Variants in RBFOX1 observed in about 807,000 individuals in gnomAD.
RBFOX1 encodes the protein RNA binding fox-1 homolog 1.
In RBFOX1, 8 loss-of-function variants were observed where a neutral mutation model predicts 57.7. The ratio of observed to expected loss-of-function variants is 0.14; its 90% CI spans 0.08 to 0.25. The LOEUF is 0.25. RBFOX1 is among the 10% of genes least tolerant of loss of function. The pLI is 1.00. For missense variants in RBFOX1, 611 were observed against 548.5 expected, an observed-to-expected ratio of 1.11 and a Z score of -1.14; for synonymous variants, 326 against 222.4, an observed-to-expected ratio of 1.47 and a Z score of -4.15.
At chr16:6,556,433 C>T (rs1190875883) in intron 2 of RBFOX1, among the ~76,000 whole-genome samples, 2 of 152,138 alleles carry the variant, frequency 1.3e-5, no homozygotes, top group African/African-American at 2.4e-5. Context: ...GCACTGTCCT[C>T]GGTCATCTCA....
At chr16:5,805,242 A>T (rs1433184525) in intron 3 of RBFOX1, among the ~76,000 whole-genome samples, 7 of 152,164 alleles carry the variant, frequency 4.6e-5, no homozygotes, top group Non-Finnish European at 8.8e-5. Flanking sequence ...TTAAAATATG[A>T]GGTTAGAGAG....
At chr16:6,546,375 T>A (rs1455036619) in intron 2 of RBFOX1, among the ~76,000 whole-genome samples, 1 of 152,180 alleles carries the variant, frequency 6.6e-6, no homozygotes, top group African/African-American at 2.4e-5. Context: ...ATGACAGACA[T>A]TTATTGCCTC....
At chr16:7,184,384 G>A (rs1406706511) in intron 4 of RBFOX1, among the ~76,000 whole-genome samples, 1 of 152,230 alleles carries the variant, frequency 6.6e-6, no homozygotes, top group Non-Finnish European at 1.5e-5. Context: ...AGAGGTTTTA[G>A]TAGAAGTCTA....
intron 2 of RBFOX1, among the ~76,000 whole-genome samples, chr16:6,592,897 G>T (rs1228459264): frequency 9.9e-5 from 15 of 152,192 alleles, no homozygotes; most frequent in Admixed American, 9.8e-4. Flanking sequence ...TATGCAGAGA[G>T]AGTGGAGATC....
chr16:7,028,342 C>T (rs1360845792), intron 3 of RBFOX1, among the ~76,000 whole-genome samples: 2 of 152,144 alleles, frequency 1.3e-5, no homozygotes, highest in South Asian at 4.2e-4. Flanking sequence ...TGCCTGGGCT[C>T]AGGGCTGGAG....
At chr16:7,238,663 G>T (rs965969122) in intron 4 of RBFOX1, among the ~76,000 whole-genome samples, 1 of 152,114 alleles carries the variant, frequency 6.6e-6, no homozygotes, top group African/African-American at 2.4e-5. Flanking sequence ...TTTATCTTCA[G>T]GGGTACAAGT....
Position 5,371,697 on chromosome 16 carries a change from G to T in RBFOX1, c.220-95519G>T, listed in dbSNP as rs1178702262. Reference sequence around the variant, plus strand: ...TTTCCCACATTTTGAGGGAATGAAGGCTTGGTAATAAGCCCTGCTGGCCAT... The same window carrying T: ...TTTCCCACATTTTGAGGGAATGAAGTCTTGGTAATAAGCCCTGCTGGCCAT... On this transcript the variant is annotated intron_variant, in intron 1 of 2. Coordinates refer to the RBFOX1 transcript ENST00000585867. Among the ~76,000 whole-genome samples, 3 of 152,312 alleles carry T rather than the reference G, an allele frequency of 2.0e-5. No individual in the cohort carries two copies. In the South Asian group the frequency reaches 6.2e-4, roughly 32 times the overall value.
intron 3 of RBFOX1, among the ~76,000 whole-genome samples, chr16:5,749,010 G>A (rs546726710): frequency 9.9e-5 from 15 of 152,246 alleles, no homozygotes; most frequent in South Asian, 2.1e-4. Flanking sequence ...GGCTGGTATC[G>A]GTTGTTCTTT....
At chr16:7,473,479 A>G (rs1015145772) in intron 4 of RBFOX1, among the ~76,000 whole-genome samples, 1 of 148,130 alleles carries the variant, frequency 6.8e-6, no homozygotes, top group Non-Finnish European at 1.5e-5. Context: ...TACATAATAT[A>G]TATGTATATA....
intron 1 of RBFOX1, among the ~76,000 whole-genome samples, chr16:5,459,124 T>G (rs1260042635): frequency 6.6e-6 from 1 of 152,234 alleles, no homozygotes; most frequent in Non-Finnish European, 1.5e-5. Context: ...GAGTCTCTGG[T>G]GAACCTCCCC....
intron 2 of RBFOX1, among the ~76,000 whole-genome samples, chr16:6,519,132 C>G (rs779370616): frequency 2.0e-5 from 3 of 151,776 alleles, no homozygotes. Context: ...ACTTGCCAAG[C>G]CAGCCAAATG....
chr16:7,697,791 A>G (rs904528795), intron 14 of RBFOX1, among the ~76,000 whole-genome samples: 1 of 152,164 alleles, frequency 6.6e-6, no homozygotes. Context: ...CTTCCCCAGT[A>G]TGCTATCTTG....
At chr16:5,319,335 G>T (rs1267691206) in intron 1 of RBFOX1, among the ~76,000 whole-genome samples, 1 of 152,188 alleles carries the variant, frequency 6.6e-6, no homozygotes, top group African/African-American at 2.4e-5. Flanking sequence ...TCCTAAGCTA[G>T]TCACTGCCCT....
At position 6,963,559 on chromosome 16, in the gene RBFOX1, G is replaced by A. The variant is rs550890973; in HGVS notation, c.-15-88498G>A. On this transcript the variant is annotated intron_variant, in intron 3 of 15. Coordinates refer to ENST00000550418, the MANE Select transcript of RBFOX1 (RefSeq NM_018723.4). ...CTTGCAATGTAAAATGTACATTTTG[G>A]CTGTGTTCTGTAGGATTTCAACTAT... is the stretch of plus-strand genomic sequence containing the variant. Among the ~76,000 whole-genome samples the A allele has an allele frequency of 1.9e-4, 29 of 152,254 alleles. No individual in the cohort carries two copies. The South Asian group carries it at 5.2e-3, about 27-fold the overall frequency.
intron 3 of RBFOX1, among the ~76,000 whole-genome samples, chr16:5,680,943 A>G (rs993403929): frequency 5.3e-5 from 8 of 151,996 alleles, no homozygotes; most frequent in Admixed American, 4.6e-4. Context: ...TGCAGCAGCT[A>G]TAAAATTAGC....
chr16:7,406,902 C>T (rs1486625773), intron 4 of RBFOX1, among the ~76,000 whole-genome samples: 1 of 152,116 alleles, frequency 6.6e-6, no homozygotes, highest in Non-Finnish European at 1.5e-5. Context: ...GGCTCATGGC[C>T]CCTTCCTCCG....
intron 1 of RBFOX1, among the ~76,000 whole-genome samples, chr16:5,279,207 C>G (rs1852671): frequency 0.32 from 48,702 of 151,686 alleles, 7,801 homozygotes; most frequent in Non-Finnish European, 0.33. Flanking sequence ...TTATTCTAAC[C>G]CACGAGCATG....
intron 3 of RBFOX1, among the ~76,000 whole-genome samples, chr16:6,995,490 T>C (rs943488228): frequency 2.6e-5 from 4 of 151,868 alleles, no homozygotes; most frequent in African/African-American, 9.7e-5. Context: ...TGAAGAGGGG[T>C]GTGGTGGCTC....
intron 4 of RBFOX1, among the ~76,000 whole-genome samples, chr16:7,296,314 C>T (rs1603545977): frequency 7.5e-6 from 1 of 133,538 alleles, no homozygotes; most frequent in Non-Finnish European, 1.6e-5. Context: ...TTATTAAATG[C>T]TTATGACAGT....
Sources: allele counts gnomAD v4.1 joint callset (sites outside exome capture counted in the v4.1 genomes callset), GRCh38; gene constraint gnomAD v4.1.1; transcripts MANE v1.5; gene names NCBI Gene and HGNC (gene_info 2026-07-23, HGNC 2026-07-21).